Variants in ACAP2 observed in about 807,000 individuals in gnomAD.
ACAP2 encodes the protein arf-GAP with coiled-coil, ANK repeat and PH domain-containing protein 2.
In ACAP2, 39 loss-of-function variants were observed where a neutral mutation model predicts 115.8. That is an observed-to-expected ratio of 0.34 (90% CI 0.26 to 0.44). The LOEUF (loss-of-function observed/expected upper bound fraction) is 0.44, where lower values mean the gene tolerates loss of function less well. ACAP2 is among the 20% of genes least tolerant of loss of function. The pLI, the probability that ACAP2 is intolerant of heterozygous loss-of-function variation, is 1.00. For synonymous variants in ACAP2, 289 were observed against 315.8 expected (o/e 0.92, Z 0.90); for missense variants, 662 against 927.6 (o/e 0.71, Z 3.72).
chr3:195,403,549 T>A (rs553341089), intron 1 of ACAP2, among the ~76,000 whole-genome samples: 5 of 152,352 alleles, frequency 3.3e-5, no homozygotes, highest in African/African-American at 1.2e-4. Context: ...TGAGAAATGC[T>A]AAGATTCTGG....
At chr3:195,389,971 G>C (rs149900360) in intron 2 of ACAP2, among the ~76,000 whole-genome samples, 4 of 152,180 alleles carry the variant, frequency 2.6e-5, no homozygotes, top group South Asian at 4.1e-4. Flanking sequence ...CGAGGCGGGC[G>C]GATTGCCTGA....
intron 21 of ACAP2, among the ~76,000 whole-genome samples, chr3:195,288,801 G>T (rs138051643): frequency 5.5e-4 from 83 of 152,082 alleles, no homozygotes; most frequent in East Asian, 5.0e-3. Flanking sequence ...GAGGTTGCAG[G>T]GAGCCGGTGC....
At chr3:195,430,251 A>G (rs150028256) in intron 1 of ACAP2, among the ~76,000 whole-genome samples, 1 of 152,372 alleles carries the variant, frequency 6.6e-6, no homozygotes, top group African/African-American at 2.4e-5. Context: ...TAAATCCTAC[A>G]TAAGCTATGA....
chr3:195,359,629 G>A (rs571723319), intron 4 of ACAP2, among the ~76,000 whole-genome samples: 13 of 152,152 alleles, frequency 8.5e-5, no homozygotes, highest in African/African-American at 4.8e-5. Context: ...CACCACGCCC[G>A]GCTAATTTTT....
intron 4 of ACAP2, among the ~76,000 whole-genome samples, chr3:195,351,129 T>TG (rs1553855792): frequency 7.6e-6 from 1 of 131,832 alleles, no homozygotes; most frequent in East Asian, 3.0e-4. Context: ...TTTTTTTTTT[T>TG]GGGCGGGGGA....
intron 10 of ACAP2, among the ~76,000 whole-genome samples, chr3:195,310,854 C>T (rs2108998218): frequency 6.6e-6 from 1 of 152,104 alleles, no homozygotes; most frequent in African/African-American, 2.4e-5. Flanking sequence ...AATATAAACT[C>T]TTAATTTTAC....
At chr3:195,431,912 G>T (rs907426696) in intron 1 of ACAP2, among the ~76,000 whole-genome samples, 5 of 152,038 alleles carry the variant, frequency 3.3e-5, no homozygotes, top group Admixed American at 6.6e-5. Flanking sequence ...GTATGAAGTC[G>T]TATCTCACCA....
intron 9 of ACAP2, among the ~76,000 whole-genome samples, chr3:195,321,558 G>A (rs759270029): frequency 5.3e-5 from 8 of 151,184 alleles, no homozygotes; most frequent in African/African-American, 1.9e-4. Flanking sequence ...ATTTAATTGG[G>A]ATTATTTAAA....
chr3:195,299,381 G>GC (rs1156957416), intron 15 of ACAP2, among the ~76,000 whole-genome samples: 1 of 147,300 alleles, frequency 6.8e-6, no homozygotes, highest in East Asian at 2.0e-4. Context: ...AACAGCCTTT[G>GC]CAACATGGCA....
intron 1 of ACAP2, among the ~76,000 whole-genome samples, chr3:195,435,467 C>CT (rs905695153): frequency 4.6e-4 from 68 of 148,124 alleles, no homozygotes; most frequent in Non-Finnish European, 5.4e-4. Flanking sequence ...CACCCGGCCT[C>CT]TTTTTTTTTT....
In ACAP2 at chr3:195,285,786, G is replaced by A; in HGVS notation, c.2236+10C>T. On this transcript the variant is annotated intron_variant, in intron 22 of 22. Coordinates refer to ENST00000326793, the MANE Select transcript of ACAP2 (RefSeq NM_012287.6). ...CTGCATTTCAGTATGGTTATTAGTA[G>A]AATATTGACCTGGCTGTCCATAAAG... 6.2e-7 allele frequency: 1 copy of A among 1,604,620 alleles called. No homozygotes were observed. Among genetic ancestry groups the A allele is most frequent in the Non-Finnish European group, 8.5e-7 (1 of 1,173,560 alleles).
chr3:195,412,475 G>A (rs1203682029), intron 1 of ACAP2, among the ~76,000 whole-genome samples: 2 of 151,898 alleles, frequency 1.3e-5, no homozygotes, highest in African/African-American at 4.8e-5. Context: ...GGCTGGGCGT[G>A]GTGGCAGGTG....
At chr3:195,370,641 G>A (rs374347479) in intron 4 of ACAP2, among the ~76,000 whole-genome samples, 1 of 152,062 alleles carries the variant, frequency 6.6e-6, no homozygotes, top group African/African-American at 2.4e-5. Context: ...TTTGGTTACT[G>A]GGGCCCTGTA....
intron 18 of ACAP2, among the ~76,000 whole-genome samples, chr3:195,292,985 A>G (rs1225489162): frequency 6.6e-6 from 1 of 151,208 alleles, no homozygotes; most frequent in Non-Finnish European, 1.5e-5. Flanking sequence ...GCAATTTTTA[A>G]AAAATAAAGC....
At position 195,276,868 on chromosome 3, in the gene ACAP2, A is replaced by G. The variant is rs1336181330; in HGVS notation, c.*2460T>C. 6.6e-6 allele frequency: 1 copy of G among 152,224 alleles called. No homozygotes were observed. Among genetic ancestry groups the G allele is most frequent in the Non-Finnish European group, 1.5e-5 (1 of 68,028 alleles). 9.4% of individuals were successfully genotyped at this position (152,224 alleles called of 1,614,324 possible). On this transcript the variant is annotated 3_prime_UTR_variant, in exon 23 of 23. Coordinates refer to ENST00000326793, the MANE Select transcript of ACAP2 (RefSeq NM_012287.6). ...CAAATTGGGTCTCAGCATATTCAAGAAATCAAGCCACAGAAATGTGTACTT... is the reference window on the plus strand; with the variant it reads ...CAAATTGGGTCTCAGCATATTCAAGGAATCAAGCCACAGAAATGTGTACTT...
chr3:195,430,761 A>G (rs1188966730), intron 1 of ACAP2, among the ~76,000 whole-genome samples: 1 of 151,982 alleles, frequency 6.6e-6, no homozygotes, highest in Non-Finnish European at 1.5e-5. Context: ...GCTGGGGTTT[A>G]AAGATCACCA....
intron 8 of ACAP2, among the ~76,000 whole-genome samples, chr3:195,328,706 A>C (rs1303167886): frequency 6.6e-6 from 1 of 152,232 alleles, no homozygotes; most frequent in Non-Finnish European, 1.5e-5. Context: ...TCAAATTCAA[A>C]ATATTTACAA....
intron 8 of ACAP2, among the ~76,000 whole-genome samples, chr3:195,331,621 A>C (rs952543024): frequency 2.0e-5 from 3 of 151,704 alleles, no homozygotes; most frequent in Non-Finnish European, 1.5e-5. Context: ...CATAAACTCT[A>C]TTTTTCATCA....
At chr3:195,386,606 C>T (rs1734319930) in intron 2 of ACAP2, among the ~76,000 whole-genome samples, 1 of 151,984 alleles carries the variant, frequency 6.6e-6, no homozygotes, top group South Asian at 2.1e-4. Flanking sequence ...AAAACATGGA[C>T]ACAGGGAGGG....
Sources: gnomAD v4.1 joint callset for allele counts (sites outside exome capture counted in the v4.1 genomes callset) on GRCh38, gnomAD v4.1.1 for gene constraint, MANE v1.5 for transcripts, NCBI Gene and HGNC (gene_info 2026-07-23, HGNC 2026-07-21) for gene names.